Variants in DEFB112 observed in about 807,000 individuals in gnomAD.
DEFB112 encodes defensin beta 112.
In DEFB112, 2 loss-of-function variants were observed where a neutral mutation model predicts 1.1. The ratio of observed to expected loss-of-function variants is 1.85; its 90% CI spans 0.76 to 5.83. DEFB112 has a LOEUF of 5.83. DEFB112 is among the 30% of genes most tolerant of loss of function. The pLI is 0.05. For synonymous variants in DEFB112, 40 were observed against 31.2 expected (o/e 1.28, Z -0.93); for missense variants, 120 against 94.4 (o/e 1.27, Z -1.12).
chr6:50,045,663 C>G (rs927282625), intron 1 of DEFB112, among the ~76,000 whole-genome samples: 1 of 152,090 alleles, frequency 6.6e-6, no homozygotes, highest in Non-Finnish European at 1.5e-5. Context: ...TGTGCGAACA[C>G]CATAAACTGT....
chr6:50,043,692 A>G lies in DEFB112; in HGVS notation c.168T>C (p.Cys56=). The change falls in exon 2 of 2, where the codon TGT becomes TGC. Residue 56 remains cysteine (C), a synonymous_variant. Transcript: ENST00000651554. The stretch of plus-strand genomic sequence containing the variant: ...CGCAGCAATGAGTTGTAGGTCTTGC[A>G]CAGTATGAAATCCTAAATTCACTAT... The part of the protein sequence containing the change: ...CDDSEFRISY[C]ARPTTHCCVT... 3 of 1,613,596 alleles carry G rather than the reference A, an allele frequency of 1.9e-6. No individual in the cohort carries two copies. Among genetic ancestry groups the G allele is most frequent in the Non-Finnish European group, 2.5e-6 (3 of 1,179,620 alleles).
rs1009648899 is a variant in DEFB112 at position 50,042,431 on chromosome 6, C to A, written c.*1144G>T. On this transcript the variant is annotated 3_prime_UTR_variant, in exon 2 of 2. Coordinates refer to ENST00000651554, the MANE Select transcript of DEFB112 (RefSeq NM_001369057.2). ...AGCAGCATAAGAAACCTACCAGGTA[C>A]AAGTAGCCTCAACTTAAATACCTTG... is the stretch of plus-strand genomic sequence containing the variant. Among the ~76,000 whole-genome samples the A allele has an allele frequency of 2.0e-5, 3 of 152,028 alleles. No homozygotes were observed. Among genetic ancestry groups the A allele is most frequent in the African/African-American group, 7.2e-5 (3 of 41,430 alleles).
chr6:50,043,824 G>A, intron 1 of DEFB112, 23 bp from the exon 2 acceptor site: 2 of 1,601,848 alleles, frequency 1.2e-6, no homozygotes, highest in South Asian at 1.1e-5. Context: ...AAGAACAGCT[G>A]GAATTAGTAA....
intron 1 of DEFB112, among the ~76,000 whole-genome samples, chr6:50,048,234 C>T (rs75287388): frequency 0.015 from 2,313 of 151,870 alleles, 53 homozygotes; most frequent in African/African-American, 0.052. Flanking sequence ...TACATTAAAA[C>T]ATTTTAAAAA....
At chr6:50,047,771 C>T (rs1263425687) in intron 1 of DEFB112, among the ~76,000 whole-genome samples, 3 of 152,154 alleles carry the variant, frequency 2.0e-5, no homozygotes, top group Non-Finnish European at 4.4e-5. Context: ...AAACAGAACA[C>T]CTTTATCATT....
At chr6:50,048,155 A>T (rs978049924) in intron 1 of DEFB112, among the ~76,000 whole-genome samples, 71 of 152,044 alleles carry the variant, frequency 4.7e-4, no homozygotes, top group Non-Finnish European at 4.9e-4. Flanking sequence ...CTCAAAAAAA[A>T]AAAAATAAAT....
At chr6:50,047,817 A>C (rs1774859164) in intron 1 of DEFB112, among the ~76,000 whole-genome samples, 1 of 152,186 alleles carries the variant, frequency 6.6e-6, no homozygotes, top group South Asian at 2.1e-4. Context: ...ATATCCAAAA[A>C]TATCAGTATT....
intron 1 of DEFB112, among the ~76,000 whole-genome samples, chr6:50,044,912 A>G (rs1774807949): frequency 6.6e-6 from 1 of 151,910 alleles, no homozygotes; most frequent in Non-Finnish European, 1.5e-5. Context: ...TAAAATACAT[A>G]TATATCATTT....
chr6:50,046,850 G>C (rs530098527), intron 1 of DEFB112, among the ~76,000 whole-genome samples: 3 of 152,282 alleles, frequency 2.0e-5, no homozygotes, highest in South Asian at 2.1e-4. Flanking sequence ...ACCTTTAAAG[G>C]CTATGGGTCC....
chr6:50,045,923 G>A (rs1774823693), intron 1 of DEFB112, among the ~76,000 whole-genome samples: 1 of 152,064 alleles, frequency 6.6e-6, no homozygotes, highest in Admixed American at 6.6e-5. Flanking sequence ...GTGCAAAAAA[G>A]ACATACGTTC....
intron 1 of DEFB112, among the ~76,000 whole-genome samples, chr6:50,046,330 G>T (rs1193915297): frequency 2.6e-5 from 4 of 151,592 alleles, no homozygotes; most frequent in Non-Finnish European, 5.9e-5. Context: ...ATTGAACTTT[G>T]TGGTTGGATG....
intron 1 of DEFB112, among the ~76,000 whole-genome samples, chr6:50,044,054 A>G (rs752314308): frequency 6.6e-6 from 1 of 152,082 alleles, no homozygotes; most frequent in Non-Finnish European, 1.5e-5. Context: ...AAGGGCTTGC[A>G]ATGTATTAAT....
At position 50,046,154 on chromosome 6, in the gene DEFB112, C is replaced by T. The variant is rs78045891; in HGVS notation, c.59-2353G>A. Among the ~76,000 whole-genome samples the T allele has an allele frequency of 8.9e-3, 1,342 of 151,376 alleles. 15 individuals are homozygous for T. The highest frequency in any genetic ancestry group is 0.028 in the African/African-American group (1,150 of 41,222). On this transcript the variant is annotated intron_variant, in intron 1 of 1. Transcript: ENST00000651554. ...CAGTAGGGTGTATTAAATCCACTTT[C>T]AATTGATGATATTTTCAACTCAAAA...
intron 1 of DEFB112, chr6:50,048,494 T>C: frequency 6.7e-7 from 1 of 1,502,252 alleles, no homozygotes; most frequent in Non-Finnish European, 9.3e-7. Context: ...CAAAAAGTAT[T>C]GATTAAAATG....
chr6:50,043,910 G>A, intron 1 of DEFB112, 109 bp from the exon 2 acceptor site: 2 of 927,156 alleles, frequency 2.2e-6, no homozygotes, highest in Non-Finnish European at 3.3e-6. Context: ...TAAAGGAAAT[G>A]GATATTTGCT....
chr6:50,049,312 G>A (rs1774889691), intron 1 of DEFB112, among the ~76,000 whole-genome samples: 1 of 152,060 alleles, frequency 6.6e-6, no homozygotes, highest in African/African-American at 2.4e-5. Context: ...GAATTTAACT[G>A]GAAGTGAGCA....
Position 50,043,481 on chromosome 6 carries a change from G to T in DEFB112, c.*94C>A. On this transcript the variant is annotated 3_prime_UTR_variant, in exon 2 of 2. Transcript: ENST00000651554. ...TTATTTAATTATTTATTCATTATAG[G>T]TATGCATGCATGGAAATTATAGGTC... 1 of 797,954 alleles carries T rather than the reference G, an allele frequency of 1.3e-6. No individual in the cohort carries two copies. The highest frequency in any genetic ancestry group is 2.1e-6 in the Non-Finnish European group (1 of 476,638). The allele number at this position is 797,954 out of a possible 1,614,324, so 49.4% of individuals were successfully genotyped here. A position where few individuals can be genotyped will look rare whatever the true frequency, so the allele number is the denominator to read the frequency against.
chr6:50,049,233 A>T (rs1774888607), intron 1 of DEFB112, among the ~76,000 whole-genome samples: 3 of 152,084 alleles, frequency 2.0e-5, no homozygotes, highest in Admixed American at 2.0e-4. Flanking sequence ...TTTTAAGGTT[A>T]CCTCCTCTGA....
rs1337449430 is a variant in DEFB112, at chr6:50,042,141, C to A, written c.*1434G>T. ...TATTCATAATTTTCATCTATCCTAC[C>A]ACAGATACATTAAATTATAGTATAG... On this transcript the variant is annotated 3_prime_UTR_variant, in exon 2 of 2. Transcript: ENST00000651554. 2.0e-5 allele frequency among the ~76,000 whole-genome samples: 3 copies of A among 151,854 alleles called. No homozygotes were observed. The highest frequency in any genetic ancestry group is 7.3e-5 in the African/African-American group (3 of 41,350).
Sources: gnomAD v4.1 joint callset for allele counts (sites outside exome capture counted in the v4.1 genomes callset) on GRCh38, gnomAD v4.1.1 for gene constraint, MANE v1.5 for transcripts, NCBI Gene and HGNC (gene_info 2026-07-23, HGNC 2026-07-21) for gene names.